The following GOLPH3 variants were observed in gnomAD, a reference collection of about 807,000 sequenced individuals.
GOLPH3 encodes the protein golgi phosphoprotein 3.
GOLPH3 carries 14 observed loss-of-function variants against 28.5 expected under a neutral mutation model. That is an observed-to-expected ratio of 0.49 (90% CI 0.32 to 0.77). GOLPH3 has a LOEUF of 0.77. Among genes scored for constraint, GOLPH3 ranks in the 30% least tolerant of loss-of-function variants. The probability of loss-of-function intolerance (pLI) is 0.03; values close to 1 mark genes in which losing one functional copy is unlikely to be tolerated. For missense variants in GOLPH3, 350 were observed against 393.7 expected (o/e 0.89, Z 0.94); for synonymous variants, 158 against 159.2 (o/e 0.99, Z 0.06).
chr5:32,174,138 C>T lies in GOLPH3; in HGVS notation c.-104G>A. 2 of 782,654 alleles carry T rather than the reference C, an allele frequency of 2.6e-6. No individual in the cohort carries two copies. Among genetic ancestry groups the T allele is most frequent in the Non-Finnish European group, 3.4e-6 (2 of 581,074 alleles). The allele number at this position is 782,654 out of a possible 1,614,324, so 48.5% of individuals were successfully genotyped here. On this transcript the variant is annotated 5_prime_UTR_variant, in exon 1 of 4. Transcript: ENST00000265070. Reference sequence around the variant, plus strand: ...CCGATCCGGGTTTCCGTGTTAAATCCGGACGCCGGGGCGACGTCCGTCGGC... The same window carrying T: ...CCGATCCGGGTTTCCGTGTTAAATCTGGACGCCGGGGCGACGTCCGTCGGC...
At chr5:32,139,419 A>G (rs1746008760) in intron 2 of GOLPH3, among the ~76,000 whole-genome samples, 1 of 152,250 alleles carries the variant, frequency 6.6e-6, no homozygotes, top group Non-Finnish European at 1.5e-5. Flanking sequence ...CTGAGGAACA[A>G]CTATATTCTA....
intron 1 of GOLPH3, among the ~76,000 whole-genome samples, chr5:32,157,926 G>A (rs552807274): frequency 2.0e-5 from 3 of 151,072 alleles, no homozygotes; most frequent in South Asian, 2.1e-4. Context: ...GCAGTGAGCC[G>A]AGATCACGCC....
intron 1 of GOLPH3, 60 bp downstream of exon 1, chr5:32,173,750 A>AGCTCACCTGGC: frequency 8.2e-7 from 1 of 1,215,698 alleles, no homozygotes. Context: ...ACCTACCTGG[A>AGCTCACCTGGC]GCTCACCTGG....
intron 1 of GOLPH3, among the ~76,000 whole-genome samples, chr5:32,157,724 C>T (rs971816326): frequency 1.3e-5 from 2 of 152,146 alleles, no homozygotes; most frequent in Admixed American, 6.6e-5. Flanking sequence ...CGCCTCTAAT[C>T]CCAGCACTTT....
chr5:32,165,570 A>C (rs922213010), intron 1 of GOLPH3, among the ~76,000 whole-genome samples: 13 of 152,146 alleles, frequency 8.5e-5, no homozygotes, highest in African/African-American at 3.1e-4. Context: ...GTAACAGAGC[A>C]AGACTCTGTC....
chr5:32,156,573 G>A (rs10940999), intron 1 of GOLPH3, among the ~76,000 whole-genome samples: 81,044 of 151,924 alleles, frequency 0.53, 23,079 homozygotes, highest in Non-Finnish European at 0.63. Context: ...TTTGGTGCCA[G>A]GGACTGGTTT....
intron 1 of GOLPH3, among the ~76,000 whole-genome samples, chr5:32,171,955 G>T (rs1207612726): frequency 7.2e-6 from 1 of 138,644 alleles, no homozygotes; most frequent in Non-Finnish European, 1.6e-5. Flanking sequence ...TCTAAAAAAA[G>T]AAAAAAAAAA....
intron 2 of GOLPH3, among the ~76,000 whole-genome samples, chr5:32,142,436 G>A (rs1181033306): frequency 6.6e-5 from 10 of 150,530 alleles, no homozygotes; most frequent in Admixed American, 4.6e-4. Context: ...AGTGAGGAGC[G>A]TCTCCGCCCG....
At chr5:32,171,193 A>G (rs1746827233) in intron 1 of GOLPH3, among the ~76,000 whole-genome samples, 1 of 152,198 alleles carries the variant, frequency 6.6e-6, no homozygotes, top group African/African-American at 2.4e-5. Context: ...AAGGGTGTCC[A>G]ACCTTTTGGC....
chr5:32,138,724 T>G (rs900776902), intron 2 of GOLPH3, among the ~76,000 whole-genome samples: 6 of 152,224 alleles, frequency 3.9e-5, no homozygotes, highest in African/African-American at 9.6e-5. Flanking sequence ...ACTAACACCA[T>G]GTGTCAATGT....
chr5:32,143,099 T>C (rs1321703240), intron 2 of GOLPH3, among the ~76,000 whole-genome samples: 2 of 152,390 alleles, frequency 1.3e-5, no homozygotes, highest in South Asian at 2.1e-4. Flanking sequence ...CATTTTGTTC[T>C]ACACTAAGAA....
At chr5:32,171,931 A>G (rs992013183) in intron 1 of GOLPH3, among the ~76,000 whole-genome samples, 3 of 152,014 alleles carry the variant, frequency 2.0e-5, no homozygotes, top group South Asian at 2.1e-4. Context: ...CCTGGGCGAC[A>G]GAGCGAGATT....
intron 1 of GOLPH3, among the ~76,000 whole-genome samples, chr5:32,170,583 A>T (rs1746810354): frequency 6.6e-6 from 1 of 152,162 alleles, no homozygotes; most frequent in Non-Finnish European, 1.5e-5. Flanking sequence ...TAGGTTAAAA[A>T]CATGGTGGCG....
intron 1 of GOLPH3, among the ~76,000 whole-genome samples, chr5:32,161,059 T>G: frequency 1.2e-5 from 1 of 80,028 alleles, no homozygotes; most frequent in Non-Finnish European, 2.1e-5. Flanking sequence ...AGAGCGAGAC[T>G]CCGTCTCAAA....
rs1410992737 is a variant in GOLPH3, at chr5:32,143,823, T to C, written c.283A>G (p.Ile95Val). The change falls in exon 2 of 4, where the codon ATT becomes GTT. Residue 95 changes from isoleucine to valine, a missense_variant. By Grantham distance (29) the Ile-to-Val change is conservative. Coordinates refer to ENST00000265070, the MANE Select transcript of GOLPH3 (RefSeq NM_022130.4). The stretch of plus-strand genomic sequence containing the variant: ...AACCTTCCTCTCAATGCTAATTCAA[T>C]TAACATACAGCCACGTAATCCAGAT... Reference protein sequence around the residue: ...ISSGLRGCMLIELALRGRLQL... With the variant: ...ISSGLRGCMLVELALRGRLQL... 1.2e-6 allele frequency: 2 copies of C among 1,602,798 alleles called. No homozygotes were observed. The highest frequency in any genetic ancestry group is 2.3e-5 in the South Asian group (2 of 88,806).
intron 1 of GOLPH3, among the ~76,000 whole-genome samples, chr5:32,151,292 A>C (rs897002156): frequency 4.6e-5 from 7 of 151,730 alleles, no homozygotes; most frequent in Admixed American, 3.9e-4. Flanking sequence ...TTTGGGAGGC[A>C]AAGGCAGGGG....
In GOLPH3 at chr5:32,173,969, G is replaced by A. The variant is rs1266248789; in HGVS notation, c.66C>T (p.Ala22=). The A allele has an allele frequency of 2.3e-5, 32 of 1,403,622 alleles. No homozygotes were observed. Among genetic ancestry groups the A allele is most frequent in the Non-Finnish European group, 2.9e-5 (32 of 1,085,848 alleles). The allele number at this position is 1,403,622 out of a possible 1,614,324, so 86.9% of individuals were successfully genotyped here. ...CGCCCGCCGCCCGCTCCTTGTCGGC[G>A]GCGTTGCGGGAGGCCTCGGTGCGCC... The part of the protein sequence containing the change: ...VQRRTEASRN[A]ADKERAAGGG... The change falls in exon 1 of 4, where the codon GCC becomes GCT. Residue 22 remains alanine (A), a synonymous_variant. Coordinates refer to ENST00000265070, the MANE Select transcript of GOLPH3 (RefSeq NM_022130.4).
Position 32,152,426 on chromosome 5 carries a change from C to A in GOLPH3, c.226-8546G>T, listed in dbSNP as rs1287434201. 3.0e-3 allele frequency among the ~76,000 whole-genome samples: 381 copies of A among 126,646 alleles called. 1 individual carries two copies. Among genetic ancestry groups the A allele is most frequent in the African/African-American group, 9.4e-3 (359 of 37,992 alleles). The allele number at this position is 126,646 out of a possible 152,430, so 83.1% of individuals were successfully genotyped here. On this transcript the variant is annotated intron_variant, in intron 1 of 3. Coordinates refer to ENST00000265070, the MANE Select transcript of GOLPH3 (RefSeq NM_022130.4). ...AGGTATGAGCCACCGCGCCTGCCCC[C>A]CCCAGCCTTTTTTTTTTTTTTTAAA...
chr5:32,165,863 C>T (rs1349666520), intron 1 of GOLPH3, among the ~76,000 whole-genome samples: 3 of 152,162 alleles, frequency 2.0e-5, no homozygotes, highest in African/African-American at 7.2e-5. Context: ...CTAGACAGGC[C>T]ACAGAAATGT....
Sources: allele counts gnomAD v4.1 joint callset (sites outside exome capture counted in the v4.1 genomes callset), GRCh38; gene constraint gnomAD v4.1.1; transcripts MANE v1.5; gene names NCBI Gene and HGNC (gene_info 2026-07-23, HGNC 2026-07-21).